The following TMEM132D variants were observed in gnomAD, a reference collection of about 807,000 sequenced individuals.
TMEM132D encodes mature OL transmembrane protein.
TMEM132D carries 21 observed loss-of-function variants against 62.3 expected under a neutral mutation model. The ratio of observed to expected loss-of-function variants is 0.34; its 90% CI spans 0.24 to 0.49. The LOEUF (loss-of-function observed/expected upper bound fraction) is 0.49, where lower values mean the gene tolerates loss of function less well. Among genes scored for constraint, TMEM132D ranks in the 20% least tolerant of loss-of-function variants. TMEM132D has a pLI of 0.99. For missense variants in TMEM132D, 1,346 were observed against 1,402.8 expected, an observed-to-expected ratio of 0.96 and a Z score of 0.65; for synonymous variants, 621 against 575.6, an observed-to-expected ratio of 1.08 and a Z score of -1.13.
intron 5 of TMEM132D, among the ~76,000 whole-genome samples, chr12:129,099,192 C>G (rs1875212046): frequency 6.6e-6 from 1 of 152,202 alleles, no homozygotes; most frequent in African/African-American, 2.4e-5. Context: ...CTAAAATCAT[C>G]CACATTCTCC....
intron 5 of TMEM132D, among the ~76,000 whole-genome samples, chr12:129,130,281 G>A (rs944073187): frequency 5.9e-5 from 9 of 152,108 alleles, no homozygotes; most frequent in African/African-American, 1.2e-4. Flanking sequence ...GGGGATGCCC[G>A]TGGAGATAGA....
intron 1 of TMEM132D, among the ~76,000 whole-genome samples, chr12:129,769,818 CAT>C (rs1870674922): frequency 6.6e-6 from 1 of 152,134 alleles, no homozygotes; most frequent in Admixed American, 6.5e-5. Flanking sequence ...GAAGGACTCA[CAT>C]AGTTGTCCAG....
chr12:129,778,949 G>A lies in TMEM132D; in HGVS notation c.80-78251C>T, dbSNP rs143064669. Among the ~76,000 whole-genome samples, 682 of 152,244 alleles carry A rather than the reference G, an allele frequency of 4.5e-3. 3 individuals are homozygous for A. Among genetic ancestry groups the A allele is most frequent in the Non-Finnish European group, 6.0e-3 (408 of 68,014 alleles). On this transcript the variant is annotated intron_variant, in intron 1 of 8. Transcript: ENST00000422113. Reference sequence around the variant, plus strand: ...ATGATAAAGGCTATGTGAGCAAAACGGAACAGCAGCTTAAAAAAGATAAAA... The same window carrying A: ...ATGATAAAGGCTATGTGAGCAAAACAGAACAGCAGCTTAAAAAAGATAAAA...
intron 1 of TMEM132D, among the ~76,000 whole-genome samples, chr12:129,780,453 G>C (rs1369075870): frequency 1.3e-5 from 2 of 152,130 alleles, no homozygotes; most frequent in African/African-American, 4.8e-5. Flanking sequence ...CCTCAGGAGA[G>C]AGGAAGATCC....
In TMEM132D at chr12:129,120,605, C is replaced by T. The variant is rs535558382; in HGVS notation, c.1444-35903G>A. On this transcript the variant is annotated intron_variant, in intron 5 of 8. Transcript: ENST00000422113. ...CAACTACTAAATGCATTGTGGGGTC[C>T]TGGATTGGATCCTCAAACAAAAAAG... is the stretch of plus-strand genomic sequence containing the variant. Among the ~76,000 whole-genome samples, 4 of 152,258 alleles carry T rather than the reference C, an allele frequency of 2.6e-5. No homozygotes were observed. In the East Asian group the frequency reaches 5.8e-4, roughly 22 times the overall value.
chr12:129,363,038 T>C (rs1870296944), intron 3 of TMEM132D, among the ~76,000 whole-genome samples: 1 of 152,224 alleles, frequency 6.6e-6, no homozygotes, highest in Non-Finnish European at 1.5e-5. Context: ...TGCTTCTTCA[T>C]ACACTCCTTC....
At chr12:129,102,307 T>G (rs1310460908) in intron 5 of TMEM132D, among the ~76,000 whole-genome samples, 1 of 151,956 alleles carries the variant, frequency 6.6e-6, no homozygotes, top group East Asian at 1.9e-4. Context: ...CACATACACA[T>G]GCACACACGT....
chr12:129,592,211 C>T (rs1878207469), intron 2 of TMEM132D, among the ~76,000 whole-genome samples: 1 of 117,970 alleles, frequency 8.5e-6, no homozygotes, highest in Non-Finnish European at 1.7e-5. Context: ...ATATAATGTC[C>T]ATCTGATTTT....
chr12:129,586,074 G>A (rs1878022700), intron 2 of TMEM132D, among the ~76,000 whole-genome samples: 1 of 150,438 alleles, frequency 6.6e-6, no homozygotes, highest in African/African-American at 2.5e-5. Flanking sequence ...AGCAGAACCA[G>A]GCACACATTG....
chr12:129,327,917 C>A (rs1868967905), intron 4 of TMEM132D, among the ~76,000 whole-genome samples: 1 of 152,214 alleles, frequency 6.6e-6, no homozygotes, highest in Non-Finnish European at 1.5e-5. Flanking sequence ...GTACCCAGCT[C>A]CCACCTACCC....
intron 1 of TMEM132D, among the ~76,000 whole-genome samples, chr12:129,749,300 C>T (rs928395163): frequency 4.6e-5 from 7 of 152,180 alleles, no homozygotes; most frequent in South Asian, 2.1e-4. Flanking sequence ...CGCTGAACTA[C>T]GATTGCCTCT....
intron 2 of TMEM132D, among the ~76,000 whole-genome samples, chr12:129,666,000 T>C (rs1408323418): frequency 6.6e-6 from 1 of 152,208 alleles, no homozygotes; most frequent in Non-Finnish European, 1.5e-5. Context: ...TTTCTTAAAC[T>C]GAAACCACCT....
chr12:129,168,949 G>A (rs573962531), intron 5 of TMEM132D, among the ~76,000 whole-genome samples: 8 of 152,260 alleles, frequency 5.3e-5, no homozygotes, highest in African/African-American at 1.2e-4. Flanking sequence ...GTTAGCTAGC[G>A]GCCGATAGAG....
chr12:129,249,046 C>G (rs79037080), intron 4 of TMEM132D, among the ~76,000 whole-genome samples: 1 of 152,034 alleles, frequency 6.6e-6, no homozygotes. Flanking sequence ...ATAAAGAAAA[C>G]GTGGCACTTA....
At chr12:129,693,582 G>A (rs949732754) in intron 2 of TMEM132D, among the ~76,000 whole-genome samples, 4 of 152,142 alleles carry the variant, frequency 2.6e-5, no homozygotes, top group African/African-American at 9.7e-5. Context: ...CTGGTGAGGT[G>A]GGATAGGTGG....
chr12:129,658,554 A>T (rs1307250672), intron 2 of TMEM132D, among the ~76,000 whole-genome samples: 2 of 152,182 alleles, frequency 1.3e-5, no homozygotes, highest in African/African-American at 4.8e-5. Context: ...TCCTCCCAGC[A>T]ACACGTAGCG....
intron 4 of TMEM132D, among the ~76,000 whole-genome samples, chr12:129,324,703 A>T (rs1404483745): frequency 1.3e-5 from 2 of 151,990 alleles, no homozygotes; most frequent in Non-Finnish European, 2.9e-5. Flanking sequence ...AGTGGCGGGC[A>T]CCTGTAATCC....
intron 4 of TMEM132D, among the ~76,000 whole-genome samples, chr12:129,257,500 T>C (rs1880439360): frequency 6.6e-6 from 1 of 152,184 alleles, no homozygotes; most frequent in Non-Finnish European, 1.5e-5. Flanking sequence ...TGAGCCACTG[T>C]GCCCGGCCCA....
intron 5 of TMEM132D, among the ~76,000 whole-genome samples, chr12:129,134,154 CTGTGTG>C (rs1244272796): frequency 1.5e-4 from 20 of 133,808 alleles, no homozygotes; most frequent in African/African-American, 4.6e-4. Context: ...GTGTCTGTGT[CTGTGTG>C]TGTGTCTGTG....
Sources: allele counts gnomAD v4.1 joint callset (sites outside exome capture counted in the v4.1 genomes callset), GRCh38; gene constraint gnomAD v4.1.1; transcripts MANE v1.5; gene names NCBI Gene and HGNC (gene_info 2026-07-23, HGNC 2026-07-21).